Variants in NBEAL1 observed in about 807,000 individuals in gnomAD.
The protein encoded by NBEAL1 is neurobeachin like 1.
In NBEAL1, 273 loss-of-function variants were observed where a neutral mutation model predicts 351.3. That is an observed-to-expected ratio of 0.78 (90% CI 0.70 to 0.86). NBEAL1 has a LOEUF of 0.86. Ranked by LOEUF, NBEAL1 falls within the 40% of genes least tolerant of loss-of-function variation. The probability of loss-of-function intolerance (pLI) is 0.00; values close to 1 mark genes in which losing one functional copy is unlikely to be tolerated. For synonymous variants in NBEAL1, 1,050 were observed against 1,086.4 expected, an observed-to-expected ratio of 0.97 and a Z score of 0.66; for missense variants, 2,961 against 3,201.3, an observed-to-expected ratio of 0.92 and a Z score of 1.81.
chr2:203,172,153 C>G, intron 40 of NBEAL1, 130 bp downstream of exon 40: 1 of 440,616 alleles, frequency 2.3e-6, no homozygotes, highest in Admixed American at 4.3e-5. Flanking sequence ...ATGTTTTCTA[C>G]CCAGTTATTT....
intron 41 of NBEAL1, among the ~76,000 whole-genome samples, chr2:203,174,858 CAAATAAATAAATAAAT>C (rs34190645): frequency 1.2e-4 from 17 of 143,376 alleles, no homozygotes; most frequent in African/African-American, 3.3e-4. Flanking sequence ...GACTCTGTCT[CAAATAAATAAATAAAT>C]AAATAAATAA....
At position 203,107,993 on chromosome 2, in the gene NBEAL1, C is replaced by A; in HGVS notation, c.1754C>A (p.Thr585Lys). Residue 585 changes from threonine (T) to lysine (K), a missense_variant, in exon 14 of 56, where the codon ACA becomes AAA. Transcript: ENST00000683969. ...YVTPVTRAIL[T>K]MARKLSLESA... ...ACTCCCGTGACTCGAGCAATCCTGA[C>A]AATGGCCCGAAAACTAAGTCTAGAG... 4 of 1,554,696 alleles carry A rather than the reference C, an allele frequency of 2.6e-6. No individual in the cohort carries two copies. The highest frequency in any genetic ancestry group is 3.5e-6 in the Non-Finnish European group (4 of 1,147,984).
chr2:203,154,766 G>C (rs1464886806), intron 35 of NBEAL1, among the ~76,000 whole-genome samples: 1 of 151,912 alleles, frequency 6.6e-6, no homozygotes, highest in Non-Finnish European at 1.5e-5. Context: ...GGGCAACATA[G>C]TGATACCCCA....
chr2:203,125,906 G>T, intron 20 of NBEAL1, 54 bp from the exon 21 acceptor site: 1 of 1,392,448 alleles, frequency 7.2e-7, no homozygotes, highest in South Asian at 1.5e-5. Context: ...TAGAAAATGT[G>T]ATATAAAAGT....
At chr2:203,090,510 T>C (rs1020220493) in intron 10 of NBEAL1, among the ~76,000 whole-genome samples, 1 of 152,086 alleles carries the variant, frequency 6.6e-6, no homozygotes, top group Non-Finnish European at 1.5e-5. Context: ...TGTTACTTCT[T>C]ATAGGAAAAA....
chr2:203,050,786 T>G (rs1190786545), intron 4 of NBEAL1, among the ~76,000 whole-genome samples: 1 of 152,204 alleles, frequency 6.6e-6, no homozygotes, highest in Non-Finnish European at 1.5e-5. Flanking sequence ...TCTGGATTTT[T>G]CAGGCATTCC....
intron 35 of NBEAL1, among the ~76,000 whole-genome samples, chr2:203,152,768 G>C (rs1488482922): frequency 1.3e-5 from 2 of 152,030 alleles, no homozygotes; most frequent in Non-Finnish European, 2.9e-5. Flanking sequence ...CCGGCACAGT[G>C]GCTCATGCCT....
At chr2:203,087,221 T>C (rs956195572) in intron 10 of NBEAL1, among the ~76,000 whole-genome samples, 2 of 150,300 alleles carry the variant, frequency 1.3e-5, no homozygotes, top group African/African-American at 4.9e-5. Context: ...GCCTCCCAAG[T>C]AGCTGGGATT....
chr2:203,167,293 T>G lies in NBEAL1; in HGVS notation c.5930T>G (p.Leu1977Ter). The G allele has an allele frequency of 6.2e-7, 1 of 1,613,288 alleles. No homozygotes were observed. Among genetic ancestry groups the G allele is most frequent in the Non-Finnish European group, 8.5e-7 (1 of 1,179,662 alleles). ...GAGATTCATCTCCGGCGTTACAATT[T>G]AAGAAGATCAGCCCTTGAGATTTTT... ...IREIHLRRYN[L>*]RRSALEIFHV... The change falls in exon 38 of 56, where the codon TTA becomes TGA. Residue 1977 changes from leucine (L) to a stop codon, truncating the protein, a stop_gained. Coordinates refer to ENST00000683969, the MANE Select transcript of NBEAL1 (RefSeq NM_001378026.1). LOFTEE classifies it high-confidence loss of function.
Position 203,122,348 on chromosome 2 carries a change from A to T in NBEAL1, c.2682+5A>T, listed in dbSNP as rs1287464849. On this transcript the variant is annotated splice_donor_5th_base_variant and intron_variant, in intron 19 of 55. Coordinates refer to ENST00000683969, the MANE Select transcript of NBEAL1 (RefSeq NM_001378026.1). The stretch of plus-strand genomic sequence containing the variant: ...GTAGTGAACTGGGACATTAAGGTAA[A>T]TTAATAGTAAATGTTGGGCAACATC... 1 of 1,489,384 alleles carries T rather than the reference A, an allele frequency of 6.7e-7. No homozygotes were observed. Among genetic ancestry groups the T allele is most frequent in the Non-Finnish European group, 9.1e-7 (1 of 1,101,742 alleles). The allele number at this position is 1,489,384 out of a possible 1,614,324, so 92.3% of individuals were successfully genotyped here.
At chr2:203,128,132 T>G (rs1372860284) in intron 24 of NBEAL1, among the ~76,000 whole-genome samples, 195 bp downstream of exon 24, 1 of 151,960 alleles carries the variant, frequency 6.6e-6, no homozygotes, top group Non-Finnish European at 1.5e-5. Context: ...TCACCCAGGC[T>G]GGAGTGCAGT....
intron 35 of NBEAL1, among the ~76,000 whole-genome samples, chr2:203,153,293 A>T (rs1429410060): frequency 7.6e-6 from 1 of 130,746 alleles, no homozygotes; most frequent in East Asian, 2.3e-4. Context: ...CCACCATGCC[A>T]TGCCCAGCAT....
At chr2:203,183,946 C>T (rs949739357) in intron 44 of NBEAL1, among the ~76,000 whole-genome samples, 6 of 151,790 alleles carry the variant, frequency 4.0e-5, no homozygotes, top group Admixed American at 1.3e-4. Flanking sequence ...GGCGTGGTGG[C>T]GCATGCCTAT....
chr2:203,108,109 A>G lies in NBEAL1; in HGVS notation c.1870A>G (p.Ser624Gly). 1 of 1,552,104 alleles carries G rather than the reference A, an allele frequency of 6.4e-7. No individual in the cohort carries two copies. Among genetic ancestry groups the G allele is most frequent in the African/African-American group, 1.4e-5 (1 of 73,188 alleles). ...ATGGCCAGGGTCTGCCTTTTCTTTC[A>G]GTGCTTGGTTTTGCTTAGACCAGGA... ...QKWPGSAFSF[S>G]AWFCLDQDQL... Residue 624 changes from serine (S) to glycine (G), a missense_variant, in exon 14 of 56, where the codon AGT becomes GGT. By Grantham distance (56) the Ser-to-Gly change is moderately conservative (BLOSUM62 0). Coordinates refer to ENST00000683969, the MANE Select transcript of NBEAL1 (RefSeq NM_001378026.1).
At chr2:203,030,943 A>G (rs1281716366) in intron 2 of NBEAL1, among the ~76,000 whole-genome samples, 1 of 152,232 alleles carries the variant, frequency 6.6e-6, no homozygotes. Context: ...CGAACCCAGT[A>G]TGTTGAAGCT....
At chr2:203,080,431 T>A (rs1318253762) in intron 8 of NBEAL1, among the ~76,000 whole-genome samples, 1 of 152,154 alleles carries the variant, frequency 6.6e-6, no homozygotes, top group African/African-American at 2.4e-5. Context: ...GTTTCTTATC[T>A]GTTTGTATTA....
chr2:203,116,946 CAA>C, intron 18 of NBEAL1, among the ~76,000 whole-genome samples: 1 of 151,520 alleles, frequency 6.6e-6, no homozygotes, highest in African/African-American at 2.4e-5. Flanking sequence ...ACTAAAAATA[CAA>C]AAAATTAGCC....
chr2:203,017,844 C>T (rs1019161063), intron 2 of NBEAL1, among the ~76,000 whole-genome samples: 1 of 151,952 alleles, frequency 6.6e-6, no homozygotes, highest in African/African-American at 2.4e-5. Flanking sequence ...ACATGCATCC[C>T]TTCTCCTTTG....
intron 44 of NBEAL1, among the ~76,000 whole-genome samples, chr2:203,188,246 A>G (rs972094129): frequency 3.3e-5 from 5 of 152,140 alleles, no homozygotes; most frequent in Non-Finnish European, 7.3e-5. Flanking sequence ...GGAAATGCAT[A>G]TGTTAATATT....
Sources: allele counts gnomAD v4.1 joint callset (sites outside exome capture counted in the v4.1 genomes callset), GRCh38; gene constraint gnomAD v4.1.1; transcripts MANE v1.5; gene names NCBI Gene and HGNC (gene_info 2026-07-23, HGNC 2026-07-21).